Variants in SLIT3 observed in about 807,000 individuals in gnomAD.
SLIT3 encodes slit homolog 3 protein.
In SLIT3, 68 loss-of-function variants were observed where a neutral mutation model predicts 184.0. The observed-to-expected ratio is 0.37, with a 90% CI of 0.30 to 0.45. The LOEUF (loss-of-function observed/expected upper bound fraction) is 0.45, where lower values mean the gene tolerates loss of function less well. Among genes scored for constraint, SLIT3 ranks in the 20% least tolerant of loss-of-function variants. The probability of loss-of-function intolerance (pLI) is 1.00; values close to 1 mark genes in which losing one functional copy is unlikely to be tolerated. For synonymous variants in SLIT3, 831 were observed against 828.6 expected (o/e 1.00, Z -0.05); for missense variants, 1,707 against 2,026.0 (o/e 0.84, Z 3.02).
intron 4 of SLIT3, among the ~76,000 whole-genome samples, chr5:168,913,226 A>G (rs1033249015): frequency 1.3e-5 from 2 of 150,272 alleles, no homozygotes; most frequent in African/African-American, 4.9e-5. Context: ...AGGGTTTGCC[A>G]TTATTTCTAA....
At chr5:169,230,343 T>G (rs2113550697) in intron 3 of SLIT3, among the ~76,000 whole-genome samples, 1 of 152,260 alleles carries the variant, frequency 6.6e-6, no homozygotes. Flanking sequence ...TCTGAATCTC[T>G]GCATACTTAG....
intron 3 of SLIT3, among the ~76,000 whole-genome samples, chr5:169,201,060 A>G (rs1763891795): frequency 1.3e-5 from 2 of 152,174 alleles, no homozygotes; most frequent in African/African-American, 2.4e-5. Flanking sequence ...GAGCTTCCTT[A>G]TAGTAAGTGT....
intron 4 of SLIT3, among the ~76,000 whole-genome samples, chr5:168,945,336 C>G (rs1445429610): frequency 6.6e-6 from 1 of 151,864 alleles, no homozygotes; most frequent in Non-Finnish European, 1.5e-5. Context: ...CTCCCAGGTT[C>G]AAGTGATTCT....
intron 4 of SLIT3, among the ~76,000 whole-genome samples, chr5:169,073,600 G>GT (rs1274770772): frequency 6.6e-6 from 1 of 151,978 alleles, no homozygotes; most frequent in Non-Finnish European, 1.5e-5. Context: ...AGTGGGAGGC[G>GT]TTTGGGTCAT....
At chr5:169,289,124 A>G (rs1006906322) in intron 1 of SLIT3, among the ~76,000 whole-genome samples, 1 of 152,224 alleles carries the variant, frequency 6.6e-6, no homozygotes, top group African/African-American at 2.4e-5. Context: ...GAGACTATGG[A>G]GACCGCAAAG....
At chr5:168,675,916 CA>C (rs1209312668) in intron 32 of SLIT3, among the ~76,000 whole-genome samples, 1 of 152,142 alleles carries the variant, frequency 6.6e-6, no homozygotes, top group Non-Finnish European at 1.5e-5. Context: ...CTCATTCATC[CA>C]ACTATCCAAC....
intron 3 of SLIT3, among the ~76,000 whole-genome samples, chr5:169,231,430 T>TC (rs886208324): frequency 2.0e-5 from 3 of 152,214 alleles, no homozygotes; most frequent in Admixed American, 2.0e-4. Flanking sequence ...TTGCCTGCTT[T>TC]TGAAGTTTAC....
chr5:169,036,615 T>A (rs1757260396), intron 4 of SLIT3: 1 of 152,164 alleles, frequency 6.6e-6, no homozygotes, highest in Non-Finnish European at 1.5e-5. Flanking sequence ...AGAGACACGA[T>A]GGGCTGTGTA....
At chr5:168,775,036 G>A (rs1308646771) in intron 12 of SLIT3, among the ~76,000 whole-genome samples, 1 of 128,854 alleles carries the variant, frequency 7.8e-6, no homozygotes, top group Admixed American at 8.3e-5. Flanking sequence ...TCCCACCACT[G>A]CATTTTTTTT....
chr5:169,011,647 T>C (rs184960463), intron 4 of SLIT3, among the ~76,000 whole-genome samples: 1 of 152,198 alleles, frequency 6.6e-6, no homozygotes, highest in Non-Finnish European at 1.5e-5. Flanking sequence ...GGGCCTGCTC[T>C]GTCAGAGCTC....
At chr5:168,699,033 C>A (rs1582543533) in intron 27 of SLIT3, among the ~76,000 whole-genome samples, 1 of 152,358 alleles carries the variant, frequency 6.6e-6, no homozygotes, top group South Asian at 2.1e-4. Flanking sequence ...GCAGCCCAGG[C>A]TGTGTGCCCT....
At chr5:169,067,167 T>C (rs1458607898) in intron 4 of SLIT3, among the ~76,000 whole-genome samples, 1 of 152,150 alleles carries the variant, frequency 6.6e-6, no homozygotes, top group East Asian at 1.9e-4. Flanking sequence ...CCCAGCACTT[T>C]GGGAGGCTGA....
intron 4 of SLIT3, among the ~76,000 whole-genome samples, chr5:168,939,252 C>T (rs1013457081): frequency 6.6e-5 from 10 of 152,152 alleles, no homozygotes; most frequent in East Asian, 1.9e-4. Context: ...CCGCTGGGCT[C>T]GGGCACATTT....
At chr5:168,867,508 G>A (rs896556827) in intron 5 of SLIT3, among the ~76,000 whole-genome samples, 3 of 152,234 alleles carry the variant, frequency 2.0e-5, no homozygotes, top group African/African-American at 7.2e-5. Context: ...GACCAGTGGT[G>A]TGTGACTTTG....
chr5:168,982,455 C>A (rs762083426), intron 4 of SLIT3, among the ~76,000 whole-genome samples: 2 of 152,178 alleles, frequency 1.3e-5, no homozygotes, highest in African/African-American at 4.8e-5. Context: ...GACTTCCCAG[C>A]CTCCAGAACT....
At chr5:169,186,538 T>C (rs1398028854) in intron 4 of SLIT3, among the ~76,000 whole-genome samples, 1 of 152,176 alleles carries the variant, frequency 6.6e-6, no homozygotes, top group Admixed American at 6.5e-5. Context: ...AACACAAGAC[T>C]GAAAAAGGTG....
At chr5:168,685,627 A>C in intron 31 of SLIT3, 60 bp downstream of exon 31, 9 of 1,493,394 alleles carry the variant, frequency 6.0e-6, no homozygotes, top group Non-Finnish European at 7.1e-6. Context: ...AATTTTCTGA[A>C]CTATCAGAGC....
At chr5:168,975,685 G>T (rs187329303) in intron 4 of SLIT3, among the ~76,000 whole-genome samples, 1 of 152,228 alleles carries the variant, frequency 6.6e-6, no homozygotes, top group African/African-American at 2.4e-5. Context: ...TTTTCTGTAG[G>T]ATTCTGTTTC....
At chr5:168,893,630 G>A (rs1424697536) in intron 4 of SLIT3, among the ~76,000 whole-genome samples, 1 of 152,222 alleles carries the variant, frequency 6.6e-6, no homozygotes, top group East Asian at 1.9e-4. Flanking sequence ...CTTCTTTAGA[G>A]AGATGGCCCA....
Sources: allele counts gnomAD v4.1 joint callset (sites outside exome capture counted in the v4.1 genomes callset), GRCh38; gene constraint gnomAD v4.1.1; transcripts MANE v1.5; gene names NCBI Gene and HGNC (gene_info 2026-07-23, HGNC 2026-07-21).